The following C3orf52 variants were observed in gnomAD, a reference collection of about 807,000 sequenced individuals.
C3orf52 encodes TPA-induced transmembrane protein.
A neutral mutation model predicts 24.8 loss-of-function variants in C3orf52; 22 were observed. The observed-to-expected ratio is 0.89, with a 90% CI of 0.63 to 1.27. The LOEUF is 1.27. Among genes scored for constraint, C3orf52 ranks in the 50% most tolerant of loss-of-function variants. C3orf52 has a pLI of 0.00. For missense variants in C3orf52, 265 were observed against 260.7 expected (o/e 1.02, Z -0.11); for synonymous variants, 93 against 100.2 (o/e 0.93, Z 0.43).
At chr3:112,098,126 CAGAA>C (rs2073941003) in intron 2 of C3orf52, among the ~76,000 whole-genome samples, 1 of 152,180 alleles carries the variant, frequency 6.6e-6, no homozygotes, top group South Asian at 2.1e-4. Flanking sequence ...GGCACACTTC[CAGAA>C]AGAAAGGTCT....
chr3:112,106,463 C>T (rs1380083787), intron 3 of C3orf52, among the ~76,000 whole-genome samples: 1 of 152,114 alleles, frequency 6.6e-6, no homozygotes, highest in Non-Finnish European at 1.5e-5. Flanking sequence ...ATCCAGCAGC[C>T]CGCCAAGAGT....
At chr3:112,106,643 T>C (rs187896031) in intron 3 of C3orf52, among the ~76,000 whole-genome samples, 115 of 152,334 alleles carry the variant, frequency 7.5e-4, no homozygotes, top group Non-Finnish European at 1.4e-3. Context: ...TGCCAGGAAC[T>C]GGGGCAGAGA....
downstream of C3orf52, chr3:112,129,117 G>A (rs1483549494): frequency 6.6e-6 from 1 of 152,030 alleles, no homozygotes; most frequent in African/African-American, 2.4e-5. Flanking sequence ...TCTTCTTTAG[G>A]TTACCTTCAA....
intron 3 of C3orf52, among the ~76,000 whole-genome samples, chr3:112,106,272 TTTC>T (rs2074022975): frequency 6.6e-6 from 1 of 152,158 alleles, no homozygotes; most frequent in Non-Finnish European, 1.5e-5. Context: ...TTCTTTTTTT[TTTC>T]TCCAGACAGT....
chr3:112,127,028 T>C lies in C3orf52; in HGVS notation c.*47-1205T>C, dbSNP rs769119036. 7 of 1,580,510 alleles carry C rather than the reference T, an allele frequency of 4.4e-6. No individual in the cohort carries two copies. In the South Asian group the frequency reaches 7.9e-5, roughly 18 times the overall value. On this transcript the variant is annotated intron_variant, in intron 4 of 4. Coordinates refer to the C3orf52 transcript ENST00000480282. ...TTGCCTCTTTTCAAAAATGAGTATT[T>C]TTTTCCTGTAAAAGAAAAGCAAAGC...
At chr3:112,093,937 T>C (rs1402416223) in intron 2 of C3orf52, among the ~76,000 whole-genome samples, 1 of 152,238 alleles carries the variant, frequency 6.6e-6, no homozygotes, top group Admixed American at 6.5e-5. Flanking sequence ...TGAAAGAGTT[T>C]TAAAAAACTT....
intron 5 of C3orf52, among the ~76,000 whole-genome samples, chr3:112,113,937 A>G (rs543740730): frequency 4.1e-4 from 62 of 152,252 alleles, no homozygotes; most frequent in African/African-American, 1.4e-3. Context: ...GTTTGCTCTT[A>G]TTTAGCCCCT....
intron 2 of C3orf52, among the ~76,000 whole-genome samples, chr3:112,096,282 G>A (rs1442525407): frequency 6.6e-6 from 1 of 152,174 alleles, no homozygotes; most frequent in East Asian, 1.9e-4. Flanking sequence ...CATTTAACAG[G>A]GTTTTAGGAA....
At chr3:112,112,684 T>C in intron 4 of C3orf52, 2 of 418,854 alleles carry the variant, frequency 4.8e-6, no homozygotes, top group South Asian at 4.5e-5. Context: ...TGACTGGAGA[T>C]GGGCACCTCT....
chr3:112,120,817 T>G (rs2107794759), downstream of C3orf52: 1 of 152,334 alleles, frequency 6.6e-6, no homozygotes, highest in South Asian at 2.1e-4. Flanking sequence ...ACAGGATCAG[T>G]GTTACATACA....
At chr3:112,130,416 G>T (rs372190440), downstream of C3orf52, 3 of 1,585,364 alleles carry the variant, frequency 1.9e-6, no homozygotes, top group African/African-American at 1.3e-5. Flanking sequence ...GGCAAGGTCT[G>T]GGGGGTGTTT....
chr3:112,123,732 G>C (rs751059230), intron 4 of C3orf52: 1 of 1,613,852 alleles, frequency 6.2e-7, no homozygotes, highest in Non-Finnish European at 8.5e-7. Context: ...ATTGATGAGG[G>C]TATAGCACAG....
At chr3:112,134,168 GC>G (rs1444512407), downstream of C3orf52, 1 of 152,276 alleles carries the variant, frequency 6.6e-6, no homozygotes, top group East Asian at 1.9e-4. Flanking sequence ...CATCCCCTTT[GC>G]AGCTCCCCTT....
At chr3:112,101,704 A>C (rs2073973218) in intron 2 of C3orf52, among the ~76,000 whole-genome samples, 2 of 152,218 alleles carry the variant, frequency 1.3e-5, no homozygotes, top group African/African-American at 4.8e-5. Context: ...CCGGAATACC[A>C]GGAATCTTCC....
chr3:112,111,796 G>T (rs1039465536), intron 4 of C3orf52: 1 of 151,446 alleles, frequency 6.6e-6, no homozygotes, highest in Non-Finnish European at 1.5e-5. Context: ...CTGGATTGCA[G>T]TTTGAAAGTG....
At chr3:112,087,259 C>A (rs963393569) in intron 1 of C3orf52, among the ~76,000 whole-genome samples, 1 of 152,160 alleles carries the variant, frequency 6.6e-6, no homozygotes, top group African/African-American at 2.4e-5. Flanking sequence ...GTTGAGACTT[C>A]GCCCACCTTG....
chr3:112,112,669 C>T, intron 4 of C3orf52: 1 of 400,824 alleles, frequency 2.5e-6, no homozygotes, highest in Non-Finnish European at 4.8e-6. Flanking sequence ...ATCTTCTCAG[C>T]ATCTTGACTG....
chr3:112,109,582 T>C lies in C3orf52; in HGVS notation c.436T>C (p.Tyr146His). The change falls in exon 4 of 6, where the codon TAT becomes CAT. Residue 146 changes from tyrosine (Y) to histidine (H), a missense_variant. Transcript: ENST00000264848. The part of the protein sequence containing the change: ...VYSTSPSLGR[Y>H]FTSVEIVDFS... The stretch of plus-strand genomic sequence containing the variant: ...CAGTACATCGCCCTCTCTGGGTCGT[T>C]ATTTTACTTCAGTTGAAATAGTGGA... 1 of 1,602,810 alleles carries C rather than the reference T, an allele frequency of 6.2e-7. No homozygotes were observed. The highest frequency in any genetic ancestry group is 8.5e-7 in the Non-Finnish European group (1 of 1,170,462).
chr3:112,127,461 G>T (rs918694447), intron 4 of C3orf52, among the ~76,000 whole-genome samples: 21 of 152,246 alleles, frequency 1.4e-4, no homozygotes, highest in South Asian at 2.1e-4. Flanking sequence ...AGGGAACACT[G>T]TAAAAAGACT....
Sources: gnomAD v4.1 joint callset for allele counts (sites outside exome capture counted in the v4.1 genomes callset) on GRCh38, gnomAD v4.1.1 for gene constraint, MANE v1.5 for transcripts, NCBI Gene and HGNC (gene_info 2026-07-23, HGNC 2026-07-21) for gene names.